The following RYR2 variants were observed in gnomAD, a reference collection of about 807,000 sequenced individuals.
The protein encoded by RYR2 is cardiac muscle ryanodine receptor-calcium release channel.
RYR2 carries 227 observed loss-of-function variants against 601.1 expected under a neutral mutation model. The ratio of observed to expected loss-of-function variants is 0.38; its 90% CI spans 0.34 to 0.42. RYR2 has a LOEUF of 0.42. RYR2 is among the 10% of genes least tolerant of loss of function. RYR2 has a pLI of 1.00. For synonymous variants in RYR2, 2,223 were observed against 2,175.1 expected (o/e 1.02, Z -0.61); for missense variants, 4,646 against 6,156.5 (o/e 0.75, Z 8.21).
rs1184753096 is a variant in RYR2, at chr1:237,127,556, G to A, written c.48+84987G>A. The stretch of plus-strand genomic sequence containing the variant: ...TCCCGGACGGGGCGGCTGGCCTGGC[G>A]GGGGGCTGACCCCCCCCACCTCCCT... On this transcript the variant is annotated intron_variant, in intron 1 of 104. Coordinates refer to ENST00000366574, the MANE Select transcript of RYR2 (RefSeq NM_001035.3). Among the ~76,000 whole-genome samples the A allele has an allele frequency of 7.4e-5, 11 of 148,776 alleles. No individual in the cohort carries two copies. The East Asian group carries it at 1.6e-3, about 22-fold the overall frequency.
At chr1:237,242,252 T>C (rs1261007907) in intron 1 of RYR2, among the ~76,000 whole-genome samples, 4 of 151,678 alleles carry the variant, frequency 2.6e-5, no homozygotes, top group Non-Finnish European at 5.9e-5. Flanking sequence ...TAAAATCACA[T>C]GTGAAAAATC....
intron 1 of RYR2, among the ~76,000 whole-genome samples, chr1:237,213,333 A>C (rs1682797857): frequency 1.3e-5 from 2 of 151,896 alleles, no homozygotes; most frequent in Admixed American, 6.6e-5. Context: ...ATGCACCACC[A>C]CACCCAGCTA....
At chr1:237,090,128 T>C (rs1432410055) in intron 1 of RYR2, among the ~76,000 whole-genome samples, 1 of 152,092 alleles carries the variant, frequency 6.6e-6, no homozygotes, top group Non-Finnish European at 1.5e-5. Context: ...CAGAACAGCA[T>C]GGGGGAAACC....
intron 1 of RYR2, among the ~76,000 whole-genome samples, chr1:237,253,876 T>A (rs185467412): frequency 5.3e-5 from 8 of 152,310 alleles, no homozygotes; most frequent in Admixed American, 5.2e-4. Flanking sequence ...ATTAAAGAAT[T>A]ATGTTTATAA....
intron 44 of RYR2, among the ~76,000 whole-genome samples, chr1:237,636,947 G>T (rs1366405426): frequency 1.3e-5 from 2 of 152,170 alleles, no homozygotes; most frequent in African/African-American, 4.8e-5. Flanking sequence ...AAAGATATAT[G>T]CTGCATGGTT....
At chr1:237,332,257 G>A (rs1315316704) in intron 3 of RYR2, among the ~76,000 whole-genome samples, 2 of 152,062 alleles carry the variant, frequency 1.3e-5, no homozygotes, top group Non-Finnish European at 2.9e-5. Context: ...TGCAGCTTAT[G>A]ACTTTAGTTG....
intron 1 of RYR2, among the ~76,000 whole-genome samples, chr1:237,178,857 C>G (rs1678383982): frequency 6.6e-6 from 1 of 152,104 alleles, no homozygotes; most frequent in Non-Finnish European, 1.5e-5. Context: ...GTTCTTAATT[C>G]ACCAAGAATT....
intron 8 of RYR2, among the ~76,000 whole-genome samples, chr1:237,382,454 G>A (rs1195621905): frequency 6.6e-6 from 1 of 151,808 alleles, no homozygotes; most frequent in African/African-American, 2.4e-5. Context: ...GTATACATGT[G>A]CCATGTTGGT....
At chr1:237,105,372 G>A (rs1470425839) in intron 1 of RYR2, among the ~76,000 whole-genome samples, 1 of 152,148 alleles carries the variant, frequency 6.6e-6, no homozygotes, top group Non-Finnish European at 1.5e-5. Context: ...CAGGATAAGG[G>A]GGTGATGGAG....
intron 14 of RYR2, among the ~76,000 whole-genome samples, chr1:237,452,242 A>G (rs1444684408): frequency 2.1e-5 from 3 of 145,942 alleles, no homozygotes; most frequent in Non-Finnish European, 3.0e-5. Flanking sequence ...GTAGTATATT[A>G]TAATGTATAG....
intron 1 of RYR2, among the ~76,000 whole-genome samples, chr1:237,222,480 C>G (rs1050806577): frequency 1.3e-5 from 2 of 151,782 alleles, no homozygotes; most frequent in Non-Finnish European, 2.9e-5. Flanking sequence ...TAGAGAGACA[C>G]GTTCTTAATG....
chr1:237,217,735 T>A (rs1683349661), intron 1 of RYR2, among the ~76,000 whole-genome samples: 1 of 152,172 alleles, frequency 6.6e-6, no homozygotes, highest in African/African-American at 2.4e-5. Flanking sequence ...TAGTGATGAC[T>A]GCTGACTCGC....
chr1:237,595,211 G>T (rs1314317630), intron 33 of RYR2, among the ~76,000 whole-genome samples: 1 of 152,090 alleles, frequency 6.6e-6, no homozygotes, highest in African/African-American at 2.4e-5. Context: ...GTCTAGTTTG[G>T]TTTGAGTTTT....
intron 10 of RYR2, among the ~76,000 whole-genome samples, chr1:237,409,610 G>T (rs1021554896): frequency 6.6e-6 from 1 of 151,970 alleles, no homozygotes; most frequent in East Asian, 1.9e-4. Flanking sequence ...AATATATTTT[G>T]TTTAGATTAT....
intron 1 of RYR2, among the ~76,000 whole-genome samples, chr1:237,245,763 C>T (rs944916344): frequency 6.6e-6 from 1 of 152,032 alleles, no homozygotes; most frequent in African/African-American, 2.4e-5. Flanking sequence ...CACTTTATGC[C>T]TGCTTGTTTT....
intron 24 of RYR2, among the ~76,000 whole-genome samples, chr1:237,516,363 C>T (rs1666546809): frequency 1.3e-5 from 2 of 152,128 alleles, no homozygotes; most frequent in African/African-American, 4.8e-5. Flanking sequence ...AGGTGATCCA[C>T]CCGCCTCAGC....
chr1:237,647,310 TAGC>T (rs1458924125), intron 48 of RYR2, among the ~76,000 whole-genome samples: 1 of 152,186 alleles, frequency 6.6e-6, no homozygotes, highest in African/African-American at 2.4e-5. Context: ...AGAGTCATGA[TAGC>T]AGCCTCACAG....
Position 237,293,577 on chromosome 1 carries a change from A to AG in RYR2, c.168+22965dup, listed in dbSNP as rs560327594. On this transcript the variant is annotated intron_variant, in intron 2 of 104. Coordinates refer to ENST00000366574, the MANE Select transcript of RYR2 (RefSeq NM_001035.3). The stretch of plus-strand genomic sequence containing the variant: ...TACTTCTGTCTGACTGATTTAAATC[A>AG]GGGGTTCCCATGATCCCCCTCCTCA... Among the ~76,000 whole-genome samples the AG allele has an allele frequency of 4.5e-4, 68 of 152,286 alleles. 1 individual carries two copies. Among genetic ancestry groups the AG allele is most frequent in the Admixed American group, 1.4e-3 (22 of 15,286 alleles).
At chr1:237,165,395 C>T (rs911747553) in intron 1 of RYR2, among the ~76,000 whole-genome samples, 2 of 152,144 alleles carry the variant, frequency 1.3e-5, no homozygotes, top group African/African-American at 4.8e-5. Flanking sequence ...ATCAAAATCA[C>T]TTATCTTTTG....
Sources: allele counts gnomAD v4.1 joint callset (sites outside exome capture counted in the v4.1 genomes callset), GRCh38; gene constraint gnomAD v4.1.1; transcripts MANE v1.5; gene names NCBI Gene and HGNC (gene_info 2026-07-23, HGNC 2026-07-21).